The following LBH variants were observed in gnomAD, a reference collection of about 807,000 sequenced individuals.
The protein encoded by LBH is protein LBH.
In LBH, 7 loss-of-function variants were observed where a neutral mutation model predicts 12.5. That is an observed-to-expected ratio of 0.56 (90% CI 0.32 to 1.05). The LOEUF is 1.05. Ranked by LOEUF, LBH falls within the 50% of genes least tolerant of loss-of-function variation. LBH has a pLI of 0.04. For missense variants in LBH, 119 were observed against 138.9 expected (o/e 0.86, Z 0.72); for synonymous variants, 51 against 50.1 (o/e 1.02, Z -0.08).
intron 2 of LBH, among the ~76,000 whole-genome samples, chr2:30,255,842 C>T (rs550824390): frequency 6.6e-6 from 1 of 152,338 alleles, no homozygotes; most frequent in African/African-American, 2.4e-5. Flanking sequence ...CAGGACCAGG[C>T]AGCCCCCCAG....
At chr2:30,245,525 T>C (rs143098610) in intron 2 of LBH, among the ~76,000 whole-genome samples, 1 of 152,282 alleles carries the variant, frequency 6.6e-6, no homozygotes, top group Non-Finnish European at 1.5e-5. Flanking sequence ...CCTATCACCT[T>C]GATAAGGAAT....
At chr2:30,236,034 G>A (rs1006657293) in intron 2 of LBH, among the ~76,000 whole-genome samples, 2 of 152,196 alleles carry the variant, frequency 1.3e-5, no homozygotes, top group African/African-American at 4.8e-5. Flanking sequence ...GGGGTTTTGG[G>A]TAGCAGTTTC....
intron 2 of LBH, among the ~76,000 whole-genome samples, chr2:30,253,888 C>T (rs753197275): frequency 5.3e-5 from 8 of 152,034 alleles, no homozygotes; most frequent in Non-Finnish European, 5.9e-5. Context: ...AGGACTTGAC[C>T]GGAGTTATAC....
chr2:30,234,370 GTGTT>G (rs1237753741), intron 1 of LBH, 31 bp from the exon 2 acceptor site: 2 of 1,512,466 alleles, frequency 1.3e-6, no homozygotes, highest in Admixed American at 1.7e-5. Flanking sequence ...GAAAGCGCGT[GTGTT>G]TGTTGACTTT....
At chr2:30,246,909 A>G (rs932664877) in intron 2 of LBH, among the ~76,000 whole-genome samples, 7 of 149,344 alleles carry the variant, frequency 4.7e-5, no homozygotes, top group Non-Finnish European at 1.0e-4. Flanking sequence ...GCAGCCTCCA[A>G]CTCCTGGACT....
At chr2:30,257,277 G>C (rs1165084412) in intron 2 of LBH, among the ~76,000 whole-genome samples, 156 bp from the exon 3 acceptor site, 1 of 152,198 alleles carries the variant, frequency 6.6e-6, no homozygotes, top group East Asian at 1.9e-4. Flanking sequence ...TTCTCCCGTG[G>C]CTCCCACCTT....
chr2:30,234,365 C>A, intron 1 of LBH, 40 bp from the exon 2 acceptor site: 1 of 1,460,410 alleles, frequency 6.8e-7, no homozygotes, highest in Non-Finnish European at 9.6e-7. Flanking sequence ...AATGTGAAAG[C>A]GCGTGTGTTT....
At chr2:30,233,959 A>G (rs1438955938) in intron 1 of LBH, among the ~76,000 whole-genome samples, 2 of 151,904 alleles carry the variant, frequency 1.3e-5, no homozygotes, top group East Asian at 3.8e-4. Flanking sequence ...TTGTGTATTA[A>G]TAATATATAG....
intron 2 of LBH, among the ~76,000 whole-genome samples, chr2:30,241,700 T>G (rs1447668192): frequency 6.6e-6 from 1 of 152,086 alleles, no homozygotes; most frequent in East Asian, 1.9e-4. Context: ...TGACCTCAAG[T>G]GATCCTCCCC....
At chr2:30,231,846 G>C in intron 1 of LBH, 82 bp downstream of exon 1, 1 of 1,308,968 alleles carries the variant, frequency 7.6e-7, no homozygotes. Context: ...CCGGCTCCGG[G>C]TGCGAGGGCA....
At chr2:30,252,947 T>C (rs1190030434) in intron 2 of LBH, among the ~76,000 whole-genome samples, 2 of 152,178 alleles carry the variant, frequency 1.3e-5, no homozygotes, top group Non-Finnish European at 2.9e-5. Flanking sequence ...AAATGATTTG[T>C]GTTTGTTTTT....
At chr2:30,234,260 G>GAGGA (rs776043153) in intron 1 of LBH, 145 bp from the exon 2 acceptor site, 3 of 661,838 alleles carry the variant, frequency 4.5e-6, no homozygotes, top group Non-Finnish European at 8.1e-6. Context: ...CTCAGGGTGT[G>GAGGA]AGCTTGTTTT....
At chr2:30,251,788 A>G (rs1677983439) in intron 2 of LBH, among the ~76,000 whole-genome samples, 2 of 152,126 alleles carry the variant, frequency 1.3e-5, no homozygotes, top group Admixed American at 1.3e-4. Flanking sequence ...GTAACTTTAA[A>G]TGGCCCTGTG....
intron 1 of LBH, chr2:30,232,251 G>GGGCCGGC: frequency 6.1e-6 from 3 of 488,896 alleles, no homozygotes; most frequent in Non-Finnish European, 1.1e-5. Flanking sequence ...TGGGGGGCGG[G>GGGCCGGC]AAACGCTCTC....
intron 2 of LBH, 56 bp from the exon 3 acceptor site, chr2:30,257,377 G>C: frequency 1.3e-6 from 2 of 1,585,876 alleles, no homozygotes; most frequent in Non-Finnish European, 8.6e-7. Flanking sequence ...AGAAGGAATG[G>C]AATTTCTCTT....
chr2:30,250,715 G>A (rs1408882519), intron 2 of LBH, among the ~76,000 whole-genome samples: 6 of 151,950 alleles, frequency 3.9e-5, no homozygotes, highest in African/African-American at 1.5e-4. Context: ...AGGGTGAAAT[G>A]GGAACTGGCT....
At chr2:30,242,040 G>A (rs1463859176) in intron 2 of LBH, among the ~76,000 whole-genome samples, 1 of 151,974 alleles carries the variant, frequency 6.6e-6, no homozygotes, top group Non-Finnish European at 1.5e-5. Flanking sequence ...TCATTCAATT[G>A]TTGAAATTTT....
chr2:30,234,235 C>T, intron 1 of LBH, 170 bp from the exon 2 acceptor site: 1 of 599,846 alleles, frequency 1.7e-6, no homozygotes, highest in South Asian at 2.0e-5. Context: ...GGGCTGTGGG[C>T]TTGCAAGGCG....
intron 2 of LBH, among the ~76,000 whole-genome samples, chr2:30,251,901 C>T (rs770185279): frequency 9.9e-5 from 15 of 152,224 alleles, no homozygotes; most frequent in Middle Eastern, 3.4e-3. Context: ...CGACCAACAG[C>T]AGAGGCTGTT....
Sources: allele counts gnomAD v4.1 joint callset (sites outside exome capture counted in the v4.1 genomes callset), GRCh38; gene constraint gnomAD v4.1.1; transcripts MANE v1.5; gene names NCBI Gene and HGNC (gene_info 2026-07-23, HGNC 2026-07-21).